Variants in TAFA1 observed in about 807,000 individuals in gnomAD.
The protein encoded by TAFA1 is TAFA chemokine like family member 1, also known as chemokine-like protein TAFA-1.
Under a neutral mutation model 18.5 loss-of-function variants are expected in TAFA1, and 4 were observed. The ratio of observed to expected loss-of-function variants is 0.22; its 90% CI spans 0.11 to 0.49. The LOEUF (loss-of-function observed/expected upper bound fraction) is 0.49. TAFA1 is among the 20% of genes least tolerant of loss of function. TAFA1 has a pLI of 0.98. For missense variants in TAFA1, 147 were observed against 169.0 expected, an observed-to-expected ratio of 0.87 and a Z score of 0.72; for synonymous variants, 56 against 55.2, an observed-to-expected ratio of 1.01 and a Z score of -0.06.
chr3:68,071,629 C>T (rs2064756311), intron 2 of TAFA1, among the ~76,000 whole-genome samples: 1 of 152,150 alleles, frequency 6.6e-6, no homozygotes. Context: ...CATTTCTGTG[C>T]CTCAGTTCCC....
At chr3:68,041,977 G>A (rs566203656) in intron 2 of TAFA1, among the ~76,000 whole-genome samples, 9 of 152,244 alleles carry the variant, frequency 5.9e-5, no homozygotes, top group Admixed American at 3.3e-4. Flanking sequence ...GACACCATCC[G>A]TGCTGTTATC....
chr3:68,300,245 T>C (rs1032848807), intron 2 of TAFA1, among the ~76,000 whole-genome samples: 2 of 150,858 alleles, frequency 1.3e-5, no homozygotes, highest in African/African-American at 4.9e-5. Context: ...GCCCACCTCT[T>C]GTATAAGCAT....
At chr3:68,134,439 G>T (rs1031539413) in intron 2 of TAFA1, among the ~76,000 whole-genome samples, 2 of 152,020 alleles carry the variant, frequency 1.3e-5, no homozygotes, top group Admixed American at 6.6e-5. Flanking sequence ...TTAAAGATCC[G>T]TATAGCTCCT....
At chr3:68,213,472 A>G (rs1266174547) in intron 2 of TAFA1, among the ~76,000 whole-genome samples, 2 of 152,074 alleles carry the variant, frequency 1.3e-5, no homozygotes, top group Non-Finnish European at 2.9e-5. Flanking sequence ...GAGAAGTAAT[A>G]TCCCAGGAGG....
At chr3:68,106,069 T>C (rs2065199688) in intron 2 of TAFA1, among the ~76,000 whole-genome samples, 1 of 152,062 alleles carries the variant, frequency 6.6e-6, no homozygotes. Context: ...AAGAAAGCCC[T>C]TCTATCTAAC....
At chr3:68,379,804 T>C (rs2069897431) in intron 2 of TAFA1, among the ~76,000 whole-genome samples, 1 of 151,926 alleles carries the variant, frequency 6.6e-6, no homozygotes, top group South Asian at 2.1e-4. Flanking sequence ...TTAGGGTACA[T>C]GTGCACAACA....
intron 2 of TAFA1, among the ~76,000 whole-genome samples, chr3:68,107,343 A>G (rs936195829): frequency 6.6e-6 from 1 of 152,168 alleles, no homozygotes; most frequent in Admixed American, 6.6e-5. Context: ...ATTAATGTTA[A>G]TAGCAGTTTT....
chr3:68,054,403 T>G (rs2064508437), intron 2 of TAFA1, among the ~76,000 whole-genome samples: 2 of 152,288 alleles, frequency 1.3e-5, no homozygotes, highest in South Asian at 2.1e-4. Flanking sequence ...CCCTTCACCT[T>G]CTGTTGTGAG....
At chr3:68,506,395 C>T (rs2072754658) in intron 3 of TAFA1, among the ~76,000 whole-genome samples, 1 of 152,062 alleles carries the variant, frequency 6.6e-6, no homozygotes, top group African/African-American at 2.4e-5. Context: ...AGGTCCTGCC[C>T]ACACTTAAGC....
chr3:68,123,771 G>A (rs1165535095), intron 2 of TAFA1, among the ~76,000 whole-genome samples: 1 of 150,702 alleles, frequency 6.6e-6, no homozygotes, highest in African/African-American at 2.4e-5. Flanking sequence ...TAATAAACTG[G>A]TTATTTGTCC....
At chr3:68,083,570 A>C (rs1285457626) in intron 2 of TAFA1, among the ~76,000 whole-genome samples, 1 of 152,212 alleles carries the variant, frequency 6.6e-6, no homozygotes. Context: ...GTTTATGGTC[A>C]CTAGGCCTAT....
intron 2 of TAFA1, among the ~76,000 whole-genome samples, chr3:68,373,112 C>T (rs767486718): frequency 7.9e-5 from 12 of 152,106 alleles, no homozygotes; most frequent in Admixed American, 1.3e-4. Context: ...CAGCCCCTAA[C>T]ACAGTGCCTG....
chr3:68,028,449 G>A (rs1025014544), intron 2 of TAFA1, among the ~76,000 whole-genome samples: 3 of 151,966 alleles, frequency 2.0e-5, no homozygotes, highest in African/African-American at 7.3e-5. Flanking sequence ...TACTTTATTG[G>A]TCTTCTATGA....
At chr3:68,532,417 T>G (rs1328373965) in intron 3 of TAFA1, among the ~76,000 whole-genome samples, 1 of 152,240 alleles carries the variant, frequency 6.6e-6, no homozygotes, top group East Asian at 1.9e-4. Flanking sequence ...TGTCAGACAT[T>G]GAGTCTTTTT....
At chr3:68,214,178 A>G (rs1445944673) in intron 2 of TAFA1, among the ~76,000 whole-genome samples, 1 of 151,780 alleles carries the variant, frequency 6.6e-6, no homozygotes, top group East Asian at 1.9e-4. Flanking sequence ...TACATCAACA[A>G]CTCTTGACAC....
intron 3 of TAFA1, among the ~76,000 whole-genome samples, chr3:68,492,027 C>T (rs2072463395): frequency 6.6e-6 from 1 of 152,182 alleles, no homozygotes; most frequent in African/African-American, 2.4e-5. Context: ...TTTATGTGTA[C>T]TTATTTCCTT....
chr3:68,236,552 C>T (rs9828724), intron 2 of TAFA1, among the ~76,000 whole-genome samples: 49,703 of 152,048 alleles, frequency 0.33, 8,476 homozygotes, highest in East Asian at 0.62. Context: ...ATTCAGGAGA[C>T]AGACGTTCGC....
chr3:68,538,428 C>T (rs2073311188), intron 3 of TAFA1, among the ~76,000 whole-genome samples: 1 of 152,040 alleles, frequency 6.6e-6, no homozygotes, highest in South Asian at 2.1e-4. Flanking sequence ...TTAGCCTATG[C>T]CCAGGAATGA....
chr3:68,445,819 A>G (rs1199581166), intron 3 of TAFA1, among the ~76,000 whole-genome samples: 1 of 152,192 alleles, frequency 6.6e-6, no homozygotes, highest in African/African-American at 2.4e-5. Context: ...TCTGAGAACC[A>G]CAGCCTAAAG....
Sources: gnomAD v4.1 joint callset for allele counts (sites outside exome capture counted in the v4.1 genomes callset) on GRCh38, gnomAD v4.1.1 for gene constraint, MANE v1.5 for transcripts, NCBI Gene and HGNC (gene_info 2026-07-23, HGNC 2026-07-21) for gene names.